PCDHGA9: variants seen among roughly 807,000 people sequenced by gnomAD.
PCDHGA9 encodes the protein protocadherin gamma subfamily A, 9.
In PCDHGA9, 37 loss-of-function variants were observed where a neutral mutation model predicts 62.5. That is an observed-to-expected ratio of 0.59 (90% CI 0.46 to 0.78). The LOEUF (loss-of-function observed/expected upper bound fraction) is 0.78. Among genes scored for constraint, PCDHGA9 ranks in the 30% least tolerant of loss-of-function variants. The pLI, the probability that PCDHGA9 is intolerant of heterozygous loss-of-function variation, is 0.00. For missense variants in PCDHGA9, 1,138 were observed against 1,166.2 expected, an observed-to-expected ratio of 0.98 and a Z score of 0.35; for synonymous variants, 459 against 484.6, an observed-to-expected ratio of 0.95 and a Z score of 0.69.
intron 1 of PCDHGA9, chr5:141,415,014 C>T (rs747951360): frequency 1.2e-6 from 2 of 1,613,620 alleles, no homozygotes; most frequent in Non-Finnish European, 1.7e-6. Context: ...ACCGTCTGCT[C>T]AAGGCCAGCG....
intron 1 of PCDHGA9, chr5:141,409,039 C>G: frequency 1.9e-6 from 3 of 1,614,004 alleles, no homozygotes; most frequent in Non-Finnish European, 1.7e-6. Flanking sequence ...AGATAAACTA[C>G]TACTTCCGAA....
chr5:141,487,890 G>C lies in PCDHGA9; in HGVS notation c.2425-6917G>C. 3 of 745,430 alleles carry C rather than the reference G, an allele frequency of 4.0e-6. No homozygotes were observed. Among genetic ancestry groups the C allele is most frequent in the Non-Finnish European group, 6.5e-6 (3 of 462,522 alleles). The allele number at this position is 745,430 out of a possible 1,614,324, so 46.2% of individuals were successfully genotyped here. A position where few individuals can be genotyped will look rare whatever the true frequency, so the allele number is the denominator to read the frequency against. On this transcript the variant is annotated intron_variant, in intron 1 of 3. Coordinates refer to ENST00000573521, the MANE Select transcript of PCDHGA9 (RefSeq NM_018921.3). This position sits in a 1 kb window ranked among gnomAD's most constrained non-coding sequence, Gnocchi z 5.0. ...AAGAGCCAGGCTGTTGTGGAAGCAT[G>C]ATGATGGAATGTGGGAGCACAGGAG...
chr5:141,455,104 G>A (rs2098813087), intron 1 of PCDHGA9, among the ~76,000 whole-genome samples: 1 of 151,888 alleles, frequency 6.6e-6, no homozygotes, highest in East Asian at 1.9e-4. Flanking sequence ...GAGCCACTGC[G>A]CCCGGTGGGT....
chr5:141,423,708 T>A (rs1384948123), intron 1 of PCDHGA9: 23 of 1,349,902 alleles, frequency 1.7e-5, no homozygotes, highest in Non-Finnish European at 2.2e-5. Flanking sequence ...TTGGCACAAG[T>A]CTTTTAAGGA....
Position 141,490,683 on chromosome 5 carries a change from A to C in PCDHGA9, c.2425-4124A>C, listed in dbSNP as rs766019662. 6 of 1,614,088 alleles carry C rather than the reference A, an allele frequency of 3.7e-6. No homozygotes were observed. The highest frequency in any genetic ancestry group is 5.1e-6 in the Non-Finnish European group (6 of 1,180,034). On this transcript the variant is annotated intron_variant, in intron 1 of 3. Transcript: ENST00000573521. The surrounding 1 kb of genome is among the most constrained non-coding windows in gnomAD (Gnocchi z 5.4). ...TTTGCACTGTGGCTGCCTCAGATCCAGACACTGGGGATAATGCCCGCCTCA... is the reference window on the plus strand; with the variant it reads ...TTTGCACTGTGGCTGCCTCAGATCCCGACACTGGGGATAATGCCCGCCTCA...
intron 2 of PCDHGA9, among the ~76,000 whole-genome samples, chr5:141,504,128 G>A (rs914138294): frequency 2.6e-5 from 4 of 151,992 alleles, no homozygotes; most frequent in African/African-American, 9.7e-5. Context: ...GCTGTTTCCC[G>A]CCAACACTCC....
intron 1 of PCDHGA9, among the ~76,000 whole-genome samples, chr5:141,474,684 T>A (rs1302389621): frequency 6.6e-6 from 1 of 152,246 alleles, no homozygotes; most frequent in Non-Finnish European, 1.5e-5. Context: ...TGCCTACCCC[T>A]TCACTTATGT....
chr5:141,485,666 A>G lies in PCDHGA9; in HGVS notation c.2425-9141A>G. ...GGCTCAGGATGCAGATGTGGGGAGC[A>G]ATTCGATTAGCAGCTATAGGCTGAG... On this transcript the variant is annotated intron_variant, in intron 1 of 3. Coordinates refer to ENST00000573521, the MANE Select transcript of PCDHGA9 (RefSeq NM_018921.3). The surrounding 1 kb of genome is among the most constrained non-coding windows in gnomAD (Gnocchi z 5.7). 1 of 1,612,786 alleles carries G rather than the reference A, an allele frequency of 6.2e-7. No homozygotes were observed. Among genetic ancestry groups the G allele is most frequent in the Non-Finnish European group, 8.5e-7 (1 of 1,178,960 alleles).
In PCDHGA9 at chr5:141,485,697, A is replaced by G. The variant is rs76923861; in HGVS notation, c.2425-9110A>G. 48,100 of 1,614,036 alleles carry G rather than the reference A, an allele frequency of 0.03. 1,433 individuals carry two copies. Among genetic ancestry groups the G allele is most frequent in the African/African-American group, 0.15 (11,542 of 75,006 alleles). The stretch of plus-strand genomic sequence containing the variant: ...ATTAGCAGCTATAGGCTGAGCTCCA[A>G]TGAACACTTTGCACTGGATGTGAAG... On this transcript the variant is annotated intron_variant, in intron 1 of 3. Transcript: ENST00000573521. The surrounding 1 kb of genome is among the most constrained non-coding windows in gnomAD (Gnocchi z 5.7).
intron 1 of PCDHGA9, among the ~76,000 whole-genome samples, chr5:141,433,378 T>C (rs1246585250): frequency 6.6e-5 from 10 of 151,072 alleles, no homozygotes. Context: ...TATCTATCTA[T>C]CTATCTATCT....
intron 1 of PCDHGA9, chr5:141,409,784 T>G: frequency 3.1e-6 from 5 of 1,612,248 alleles, no homozygotes; most frequent in Non-Finnish European, 4.2e-6. Flanking sequence ...GCTGCGCGCC[T>G]TCGCGCTCAC....
At chr5:141,414,174 A>C in intron 1 of PCDHGA9, 1 of 1,607,520 alleles carries the variant, frequency 6.2e-7, no homozygotes, top group Non-Finnish European at 8.5e-7. Context: ...CATATCTTGC[A>C]ACTGCAAAAG....
Position 141,431,205 on chromosome 5 carries a change from A to T in PCDHGA9, c.2424+25829A>T, listed in dbSNP as rs1438031040. ...AAAATTAGTGAAAATGCAGCCACTG[A>T]GATGCGGTTCCCTCTACCCCACGCC... On this transcript the variant is annotated intron_variant, in intron 1 of 3. Transcript: ENST00000573521. This position sits in a 1 kb window ranked among gnomAD's most constrained non-coding sequence, Gnocchi z 4.8. 1.1e-5 allele frequency: 18 copies of T among 1,614,092 alleles called. No homozygotes were observed. Among genetic ancestry groups the T allele is most frequent in the Non-Finnish European group, 1.5e-5 (18 of 1,180,056 alleles).
chr5:141,457,127 C>G (rs2098910262), intron 1 of PCDHGA9, among the ~76,000 whole-genome samples: 1 of 152,200 alleles, frequency 6.6e-6, no homozygotes, highest in Admixed American at 6.5e-5. Flanking sequence ...AATGGAAACT[C>G]TGTCCAATAT....
At chr5:141,504,384 C>G (rs2099837898) in intron 2 of PCDHGA9, among the ~76,000 whole-genome samples, 1 of 152,026 alleles carries the variant, frequency 6.6e-6, no homozygotes, top group South Asian at 2.1e-4. Flanking sequence ...GAGTCGCTGC[C>G]TCACAGAAGC....
intron 1 of PCDHGA9, among the ~76,000 whole-genome samples, chr5:141,438,615 TATATATATATATATATATATACACACAC>T (rs2098021754): frequency 1.1e-4 from 4 of 35,920 alleles, no homozygotes; most frequent in Non-Finnish European, 1.8e-4. Flanking sequence ...TATATATATA[TATATATATATATATATATATACACACAC>T]ACACACACAT....
chr5:141,477,168 A>C lies in PCDHGA9; in HGVS notation c.2425-17639A>C, dbSNP rs763187246. 1 of 1,614,210 alleles carries C rather than the reference A, an allele frequency of 6.2e-7. No homozygotes were observed. The highest frequency in any genetic ancestry group is 8.5e-7 in the Non-Finnish European group (1 of 1,180,040). On this transcript the variant is annotated intron_variant, in intron 1 of 3. Transcript: ENST00000573521. This position sits in a 1 kb window ranked among gnomAD's most constrained non-coding sequence, Gnocchi z 4.9. ...GTGGATGTGAATGACAACGCCCCGG[A>C]GATCACAGTCACCTCCGTGTACAGC...
At position 141,485,343 on chromosome 5, in the gene PCDHGA9, A is replaced by G; in HGVS notation, c.2425-9464A>G. ...GCTCAAGATTTCCTGCTGGATACGG[A>G]CAGTCTGTCAGCTCGCAGGCTGCAG... On this transcript the variant is annotated intron_variant, in intron 1 of 3. Transcript: ENST00000573521. This position sits in a 1 kb window ranked among gnomAD's most constrained non-coding sequence, Gnocchi z 5.7. 1 of 1,614,062 alleles carries G rather than the reference A, an allele frequency of 6.2e-7. No homozygotes were observed. Among genetic ancestry groups the G allele is most frequent in the Non-Finnish European group, 8.5e-7 (1 of 1,179,984 alleles).
chr5:141,414,934 G>A (rs1473788181), intron 1 of PCDHGA9: 1 of 1,614,146 alleles, frequency 6.2e-7, no homozygotes, highest in South Asian at 1.1e-5. Context: ...CCGCTCCGCA[G>A]AGCCCGGCTA....
Sources: allele counts gnomAD v4.1 joint callset (sites outside exome capture counted in the v4.1 genomes callset), GRCh38; gene constraint gnomAD v4.1.1; non-coding constraint Gnocchi (gnomAD v3.1); transcripts MANE v1.5; gene names NCBI Gene and HGNC (gene_info 2026-07-23, HGNC 2026-07-21).